Variants in TJP2 observed in about 807,000 individuals in gnomAD.
TJP2 encodes tight junction protein 2, also known as Friedreich ataxia region gene X104 (tight junction protein ZO-2).
A neutral mutation model predicts 133.1 loss-of-function variants in TJP2; 91 were observed. The observed-to-expected ratio is 0.68, with a 90% CI of 0.58 to 0.81. TJP2 has a LOEUF of 0.81. TJP2 is among the 40% of genes least tolerant of loss of function. TJP2 has a pLI of 0.00. For synonymous variants in TJP2, 592 were observed against 583.4 expected (o/e 1.01, Z -0.21); for missense variants, 1,541 against 1,565.6 (o/e 0.98, Z 0.26).
Position 69,212,552 on chromosome 9 carries a change from C to T in TJP2, c.65C>T (p.Pro22Leu). ...GGTTTTGTTCTTTTAAAACAGGCCC[C>T]AGGCATGGAAGAGCTGATATGGGAA... ...RRELSGWLRA[P>L]GMEELIWEQY... Residue 22 changes from proline (P) to leucine (L), a missense_variant, in exon 2 of 23, where the codon CCA becomes CTA. By Grantham distance (98) the Pro-to-Leu change is moderately conservative (BLOSUM62 -3). Coordinates refer to ENST00000377245, the MANE Select transcript of TJP2 (RefSeq NM_004817.4). 1.2e-6 allele frequency: 2 copies of T among 1,612,810 alleles called. No individual in the cohort carries two copies. Among genetic ancestry groups the T allele is most frequent in the East Asian group, 2.2e-5 (1 of 44,836 alleles).
rs1822237058 is a variant in TJP2, at chr9:69,123,580, G to A, written c.-131+1855G>A. 2.6e-5 allele frequency among the ~76,000 whole-genome samples: 2 copies of A among 77,088 alleles called. 1 individual carries two copies. Among genetic ancestry groups the A allele is most frequent in the Non-Finnish European group, 6.0e-5 (2 of 33,440 alleles). 50.6% of individuals were successfully genotyped at this position (77,088 alleles called of 152,430 possible). On this transcript the variant is annotated intron_variant, in intron 1 of 5. Coordinates refer to the TJP2 transcript ENST00000423935. Reference sequence around the variant, plus strand: ...TATAGTAAATGTGTAGTAGAATCACGCTGGCAGAATATGAACAAACATTTG... The same window carrying A: ...TATAGTAAATGTGTAGTAGAATCACACTGGCAGAATATGAACAAACATTTG...
intron 1 of TJP2, among the ~76,000 whole-genome samples, chr9:69,133,192 G>A (rs1055412785): frequency 6.6e-6 from 1 of 152,104 alleles, no homozygotes; most frequent in Non-Finnish European, 1.5e-5. Context: ...GAACGCTTGA[G>A]CTCAAGCAAC....
rs1297822744 is a variant in TJP2 at position 69,123,936 on chromosome 9, C to G, written c.-131+2211C>G. Among the ~76,000 whole-genome samples the G allele has an allele frequency of 2.7e-5, 2 of 74,926 alleles. 1 individual carries two copies. Among genetic ancestry groups the G allele is most frequent in the Non-Finnish European group, 6.1e-5 (2 of 32,668 alleles). 49.2% of individuals were successfully genotyped at this position (74,926 alleles called of 152,430 possible). On this transcript the variant is annotated intron_variant, in intron 1 of 5. Transcript: ENST00000423935. ...AGGCTGGAGTGCAGTGGCGCCATCT[C>G]GGCTCACTGCAAGCTCCACCTCCCA... is the stretch of plus-strand genomic sequence containing the variant.
chr9:69,154,703 G>C (rs906349060), intron 2 of TJP2, among the ~76,000 whole-genome samples: 1 of 149,420 alleles, frequency 6.7e-6, no homozygotes, highest in Non-Finnish European at 1.5e-5. Flanking sequence ...GGCAGGAGGA[G>C]CCCTTGAGCC....
At chr9:69,205,073 A>G (rs1424657615) in intron 1 of TJP2, 17 of 1,508,198 alleles carry the variant, frequency 1.1e-5, no homozygotes, top group African/African-American at 2.8e-5. Flanking sequence ...CCACTATTGT[A>G]TCCGCCTTAC....
upstream of TJP2, among the ~76,000 whole-genome samples, chr9:69,172,708 ATTTT>A (rs1824753546): frequency 6.6e-6 from 1 of 152,070 alleles, no homozygotes; most frequent in African/African-American, 2.4e-5. Flanking sequence ...TTTGGGAAAT[ATTTT>A]ATTTTTTTTT....
At chr9:69,179,923 A>T (rs921704341) in intron 1 of TJP2, among the ~76,000 whole-genome samples, 2 of 152,204 alleles carry the variant, frequency 1.3e-5, no homozygotes, top group Admixed American at 1.3e-4. Context: ...ATTCTTGAGT[A>T]CACATGTTCA....
chr9:69,166,006 C>G (rs530621900), intron 2 of TJP2, among the ~76,000 whole-genome samples: 1 of 152,346 alleles, frequency 6.6e-6, no homozygotes, highest in African/African-American at 2.4e-5. Context: ...TCAGCCTAGA[C>G]TACAGTCATC....
intron 1 of TJP2, among the ~76,000 whole-genome samples, chr9:69,189,447 A>G (rs1826067513): frequency 6.6e-6 from 1 of 152,110 alleles, no homozygotes; most frequent in Admixed American, 6.5e-5. Flanking sequence ...TGTTAGTAAC[A>G]TTTTCAGATT....
intron 1 of TJP2, among the ~76,000 whole-genome samples, chr9:69,208,962 G>T (rs1827644427): frequency 6.6e-6 from 1 of 152,106 alleles, no homozygotes; most frequent in African/African-American, 2.4e-5. Flanking sequence ...TTGAGAAGAT[G>T]AGCTTGGAGA....
chr9:69,169,369 T>G (rs11145542), upstream of TJP2, among the ~76,000 whole-genome samples: 17,678 of 119,892 alleles, frequency 0.15, 1,212 homozygotes, highest in Non-Finnish European at 0.17. Flanking sequence ...TTTTTTTTTT[T>G]GGGGGGGGGA....
At chr9:69,173,054 C>A (rs1032345766), upstream of TJP2, among the ~76,000 whole-genome samples, 3 of 152,234 alleles carry the variant, frequency 2.0e-5, no homozygotes, top group Non-Finnish European at 2.9e-5. Flanking sequence ...CATAACACTT[C>A]TGGAGAGGCA....
intron 20 of TJP2, chr9:69,249,792 C>A: frequency 2.1e-6 from 2 of 972,354 alleles, no homozygotes; most frequent in Non-Finnish European, 1.2e-6. Flanking sequence ...TACTGTATAC[C>A]CAGAATCACC....
At chr9:69,249,121 A>G in intron 19 of TJP2, 1 of 1,288,922 alleles carries the variant, frequency 7.8e-7, no homozygotes, top group Non-Finnish European at 9.9e-7. Context: ...TAGTGACACA[A>G]GAGATTTTAG....
At position 69,248,083 on chromosome 9, in the gene TJP2, T is replaced by C; in HGVS notation, c.2739T>C (p.Ser913=). 6.2e-7 allele frequency: 1 copy of C among 1,614,120 alleles called. No homozygotes were observed. The highest frequency in any genetic ancestry group is 1.3e-5 in the African/African-American group (1 of 75,008). ...YLTAMGADYL[S]CDSRLISDFE... ...CCGCCATGGGCGCGGACTATCTGAG[T>C]TGCGACAGCCGCCTCATCAGTGACT... Residue 913 remains serine, a synonymous_variant, in exon 19 of 23, where the codon AGT becomes AGC. Transcript: ENST00000377245.
intron 13 of TJP2, among the ~76,000 whole-genome samples, chr9:69,236,573 C>T (rs902154211): frequency 6.6e-5 from 10 of 152,082 alleles, no homozygotes; most frequent in African/African-American, 1.2e-4. Context: ...TGTCCGGTGC[C>T]CAGTCTCCAT....
chr9:69,246,896 A>G (rs1830967924), intron 18 of TJP2, 106 bp downstream of exon 18: 2 of 987,450 alleles, frequency 2.0e-6, no homozygotes, highest in South Asian at 2.6e-5. Flanking sequence ...AGTGATGCTC[A>G]CATGTGTGCT....
intron 1 of TJP2, among the ~76,000 whole-genome samples, chr9:69,130,935 T>C (rs1389179910): frequency 1.3e-5 from 2 of 151,962 alleles, no homozygotes; most frequent in Non-Finnish European, 2.9e-5. Context: ...GGATGGTAGG[T>C]GTTGTAGCTG....
chr9:69,186,174 T>A (rs1825848545), intron 1 of TJP2, among the ~76,000 whole-genome samples: 1 of 152,168 alleles, frequency 6.6e-6, no homozygotes, highest in Non-Finnish European at 1.5e-5. Flanking sequence ...AACTTTAGAA[T>A]GTGAATTTTT....
Sources: allele counts gnomAD v4.1 joint callset (sites outside exome capture counted in the v4.1 genomes callset), GRCh38; gene constraint gnomAD v4.1.1; transcripts MANE v1.5; gene names NCBI Gene and HGNC (gene_info 2026-07-23, HGNC 2026-07-21).